The following CNTNAP2 variants were observed in gnomAD, a reference collection of about 807,000 sequenced individuals.
The protein encoded by CNTNAP2 is contactin associated protein 2.
A neutral mutation model predicts 155.2 loss-of-function variants in CNTNAP2; 98 were observed. The ratio of observed to expected loss-of-function variants is 0.63; its 90% CI spans 0.54 to 0.75. The LOEUF (loss-of-function observed/expected upper bound fraction) is 0.75, where lower values mean the gene tolerates loss of function less well. Among genes scored for constraint, CNTNAP2 ranks in the 30% least tolerant of loss-of-function variants. The pLI is 0.00. For synonymous variants in CNTNAP2, 651 were observed against 631.2 expected, an observed-to-expected ratio of 1.03 and a Z score of -0.47; for missense variants, 1,727 against 1,688.1, an observed-to-expected ratio of 1.02 and a Z score of -0.40.
chr7:147,047,215 T>C (rs367778087), intron 4 of CNTNAP2, among the ~76,000 whole-genome samples: 1 of 147,196 alleles, frequency 6.8e-6, no homozygotes, highest in African/African-American at 2.5e-5. Flanking sequence ...TTCATGCCAT[T>C]GTCCTGCCTC....
chr7:147,446,203 C>CT (rs1797736480), intron 10 of CNTNAP2, among the ~76,000 whole-genome samples: 1 of 151,110 alleles, frequency 6.6e-6, no homozygotes, highest in South Asian at 2.1e-4. Context: ...CTCCTCTCTC[C>CT]TCCCCCCACC....
intron 1 of CNTNAP2, among the ~76,000 whole-genome samples, chr7:146,571,423 C>T (rs373923311): frequency 1.3e-5 from 2 of 151,890 alleles, no homozygotes; most frequent in East Asian, 3.9e-4. Context: ...TCAACTTTAA[C>T]GCCACCAAAA....
intron 10 of CNTNAP2, among the ~76,000 whole-genome samples, chr7:147,462,362 A>G (rs745540436): frequency 5.3e-5 from 8 of 152,214 alleles, no homozygotes; most frequent in Non-Finnish European, 1.0e-4. Context: ...CTTTTCATTT[A>G]TAAACAAGAA....
intron 1 of CNTNAP2, among the ~76,000 whole-genome samples, chr7:146,154,103 T>A (rs906008515): frequency 2.0e-5 from 3 of 152,110 alleles, no homozygotes; most frequent in African/African-American, 7.2e-5. Context: ...TTATAGAGAC[T>A]GTGATTGAAA....
At chr7:147,809,797 A>G (rs1315130465) in intron 13 of CNTNAP2, among the ~76,000 whole-genome samples, 1 of 152,242 alleles carries the variant, frequency 6.6e-6, no homozygotes, top group African/African-American at 2.4e-5. Context: ...CACTGCAGAG[A>G]CAGAACCTAT....
intron 13 of CNTNAP2, among the ~76,000 whole-genome samples, chr7:147,789,689 A>G (rs1033363130): frequency 6.6e-6 from 1 of 152,160 alleles, no homozygotes; most frequent in Non-Finnish European, 1.5e-5. Flanking sequence ...GGCACCATCT[A>G]TTGGCTGCTA....
At chr7:146,528,947 T>C (rs188765438) in intron 1 of CNTNAP2, among the ~76,000 whole-genome samples, 411 of 152,236 alleles carry the variant, frequency 2.7e-3, no homozygotes, top group African/African-American at 9.3e-3. Context: ...GAAGCAAGGT[T>C]CAGTGAAATA....
chr7:147,941,197 A>G (rs1800715241), intron 14 of CNTNAP2, among the ~76,000 whole-genome samples: 1 of 152,188 alleles, frequency 6.6e-6, no homozygotes, highest in South Asian at 2.1e-4. Flanking sequence ...TGAGGAAGAC[A>G]TTAGGATGAG....
At chr7:147,301,483 T>G (rs1286848088) in intron 9 of CNTNAP2, among the ~76,000 whole-genome samples, 1 of 152,112 alleles carries the variant, frequency 6.6e-6, no homozygotes, top group Non-Finnish European at 1.5e-5. Flanking sequence ...TATTTAAGCT[T>G]TAAAATCTGT....
intron 8 of CNTNAP2, among the ~76,000 whole-genome samples, chr7:147,212,401 G>A (rs1584795898): frequency 6.6e-6 from 1 of 152,264 alleles, no homozygotes; most frequent in South Asian, 2.1e-4. Flanking sequence ...GTAATACTGT[G>A]CAGCCATTAA....
At chr7:146,143,089 G>T (rs1797903545) in intron 1 of CNTNAP2, among the ~76,000 whole-genome samples, 3 of 152,148 alleles carry the variant, frequency 2.0e-5, no homozygotes, top group Non-Finnish European at 2.9e-5. Flanking sequence ...GGCTGCCATT[G>T]TTATCTGTGT....
chr7:147,401,190 T>G (rs1157323759), intron 10 of CNTNAP2, among the ~76,000 whole-genome samples: 1 of 152,088 alleles, frequency 6.6e-6, no homozygotes, highest in Non-Finnish European at 1.5e-5. Flanking sequence ...CTAACTCCAT[T>G]GAAAATATAT....
At chr7:146,744,721 G>A (rs1801780413) in intron 1 of CNTNAP2, among the ~76,000 whole-genome samples, 1 of 152,108 alleles carries the variant, frequency 6.6e-6, no homozygotes, top group Non-Finnish European at 1.5e-5. Context: ...TTCAAATTCA[G>A]TGGTGGTAAA....
intron 15 of CNTNAP2, among the ~76,000 whole-genome samples, chr7:148,071,192 T>C (rs542521094): frequency 6.6e-6 from 1 of 152,250 alleles, no homozygotes; most frequent in East Asian, 1.9e-4. Flanking sequence ...ATCAGGAGAA[T>C]CTTGCCAGGT....
chr7:146,811,428 A>G (rs1252969879), intron 2 of CNTNAP2, among the ~76,000 whole-genome samples: 1 of 152,102 alleles, frequency 6.6e-6, no homozygotes, highest in African/African-American at 2.4e-5. Flanking sequence ...GGCATATAAG[A>G]GTTCATAGTG....
chr7:146,843,577 G>A (rs1214262550), intron 3 of CNTNAP2, among the ~76,000 whole-genome samples: 1 of 113,984 alleles, frequency 8.8e-6, no homozygotes, highest in Non-Finnish European at 1.8e-5. Flanking sequence ...TGACAGAAAT[G>A]TTTTAATCCT....
chr7:146,849,196 C>T (rs897509239), intron 3 of CNTNAP2, among the ~76,000 whole-genome samples: 1 of 152,102 alleles, frequency 6.6e-6, no homozygotes, highest in African/African-American at 2.4e-5. Context: ...TTTATGCAGT[C>T]GCCTAGGGCA....
At chr7:148,394,600 C>T (rs1211148568) in intron 22 of CNTNAP2, among the ~76,000 whole-genome samples, 2 of 152,150 alleles carry the variant, frequency 1.3e-5, no homozygotes, top group African/African-American at 4.8e-5. Flanking sequence ...CCTGGTGATG[C>T]CCAGTTACAC....
intron 1 of CNTNAP2, among the ~76,000 whole-genome samples, chr7:146,237,450 C>T (rs897642042): frequency 2.2e-4 from 33 of 152,194 alleles, no homozygotes; most frequent in African/African-American, 8.0e-4. Context: ...TGAGATCTGA[C>T]ATACTTTGCA....
Sources: allele counts gnomAD v4.1 joint callset (sites outside exome capture counted in the v4.1 genomes callset), GRCh38; gene constraint gnomAD v4.1.1; transcripts MANE v1.5; gene names NCBI Gene and HGNC (gene_info 2026-07-23, HGNC 2026-07-21).